The following PLK2 variants were observed in gnomAD, a reference collection of about 807,000 sequenced individuals.
The protein encoded by PLK2 is polo like kinase 2.
Under a neutral mutation model 78.1 loss-of-function variants are expected in PLK2, and 25 were observed. The observed-to-expected ratio is 0.32, with a 90% CI of 0.23 to 0.45. The LOEUF (loss-of-function observed/expected upper bound fraction) is 0.45, where lower values mean the gene tolerates loss of function less well. Among genes scored for constraint, PLK2 ranks in the 20% least tolerant of loss-of-function variants. The probability of loss-of-function intolerance (pLI) is 1.00; values close to 1 mark genes in which losing one functional copy is unlikely to be tolerated. For missense variants in PLK2, 566 were observed against 840.2 expected, an observed-to-expected ratio of 0.67 and a Z score of 4.04; for synonymous variants, 332 against 298.2, an observed-to-expected ratio of 1.11 and a Z score of -1.17.
chr5:58,456,393 G>C (rs1214017280), intron 9 of PLK2, 99 bp downstream of exon 9: 1 of 855,550 alleles, frequency 1.2e-6, no homozygotes, highest in Non-Finnish European at 1.9e-6. Context: ...AAGTAAATAT[G>C]ACATATTTGA....
rs1024685006 is a variant in PLK2 at position 58,454,078 on chromosome 5, T to A, written c.*505A>T. 1 of 152,698 alleles carries A rather than the reference T, an allele frequency of 6.5e-6. No individual in the cohort carries two copies. Among genetic ancestry groups the A allele is most frequent in the Admixed American group, 6.5e-5 (1 of 15,276 alleles). 9.5% of individuals were successfully genotyped at this position (152,698 alleles called of 1,614,324 possible). A position where few individuals can be genotyped will look rare whatever the true frequency, so the allele number is the denominator to read the frequency against. ...ATAAATACTGCTCTTTGGGCTGTAATAAATAAAAAGTTTATTAACAAGGAA... is the reference window on the plus strand; with the variant it reads ...ATAAATACTGCTCTTTGGGCTGTAAAAAATAAAAAGTTTATTAACAAGGAA... On this transcript the variant is annotated 3_prime_UTR_variant, in exon 14 of 14. Coordinates refer to ENST00000274289, the MANE Select transcript of PLK2 (RefSeq NM_006622.4).
At position 58,455,580 on chromosome 5, in the gene PLK2, A is replaced by C; in HGVS notation, c.1584T>G (p.Leu528=). 1 of 1,614,088 alleles carries C rather than the reference A, an allele frequency of 6.2e-7. No individual in the cohort carries two copies. Among genetic ancestry groups the C allele is most frequent in the Non-Finnish European group, 8.5e-7 (1 of 1,179,986 alleles). ...YQLSDHTVGV[L]FNNGAHMSLL... ...GGCTCATGTGAGCACCATTGTTGAA[A>C]AGGACACCGACGGTGTGGTCTGAGA... Residue 528 remains leucine, a synonymous_variant, in exon 11 of 14, where the codon CTT becomes CTG. Coordinates refer to ENST00000274289, the MANE Select transcript of PLK2 (RefSeq NM_006622.4).
chr5:58,459,508 C>A, intron 1 of PLK2, 182 bp downstream of exon 1: 2 of 598,922 alleles, frequency 3.3e-6, no homozygotes, highest in South Asian at 4.2e-5. Context: ...AATGCAAAGC[C>A]GATCCCCAGC....
At chr5:58,457,845 C>T (rs977476572) in intron 5 of PLK2, 3 of 589,962 alleles carry the variant, frequency 5.1e-6, no homozygotes, top group Non-Finnish European at 9.0e-6. Context: ...CCAGGGACGT[C>T]GTGGCATTTT....
Position 58,458,457 on chromosome 5 carries a change from A to C in PLK2, c.567T>G (p.Ile189Met), listed in dbSNP as rs1743667919. 2 of 1,613,042 alleles carry C rather than the reference A, an allele frequency of 1.2e-6. No individual in the cohort carries two copies. Among genetic ancestry groups the C allele is most frequent in the African/African-American group, 1.3e-5 (1 of 74,940 alleles). Residue 189 changes from isoleucine to methionine, a missense_variant, in exon 4 of 14, where the codon ATT (isoleucine) becomes ATG (methionine). By Grantham distance (10) the Ile-to-Met change is conservative. Transcript: ENST00000274289. ...CATGAAGGTATTTCAGTCCAGACAC[A>C]ATCTGCCTGAGGTAGTATCGAACTT... ...EPEVRYYLRQIVSGLKYLHEQ... is the reference protein window; with the variant it reads ...EPEVRYYLRQMVSGLKYLHEQ...
chr5:58,458,454 C>G lies in PLK2; in HGVS notation c.570G>C (p.Val190=), dbSNP rs1403549740. ...PEVRYYLRQI[V]SGLKYLHEQE... Reference sequence around the variant, plus strand: ...GTTCATGAAGGTATTTCAGTCCAGACACAATCTGCCTGAGGTAGTATCGAA... The same window carrying G: ...GTTCATGAAGGTATTTCAGTCCAGAGACAATCTGCCTGAGGTAGTATCGAA... The change falls in exon 4 of 14, where the codon GTG becomes GTC. Residue 190 remains valine (V), a synonymous_variant. Coordinates refer to ENST00000274289, the MANE Select transcript of PLK2 (RefSeq NM_006622.4). 1 of 1,613,114 alleles carries G rather than the reference C, an allele frequency of 6.2e-7. No individual in the cohort carries two copies. The highest frequency in any genetic ancestry group is 1.3e-5 in the African/African-American group (1 of 74,914).
At position 58,460,025 on chromosome 5, in the gene PLK2, C is replaced by T; in HGVS notation, c.-66G>A. The T allele has an allele frequency of 1.3e-6, 2 of 1,518,890 alleles. No homozygotes were observed. The highest frequency in any genetic ancestry group is 2.3e-5 in the East Asian group (1 of 43,910). The allele number at this position is 1,518,890 out of a possible 1,614,324, so 94.1% of individuals were successfully genotyped here. A position where few individuals can be genotyped will look rare whatever the true frequency, so the allele number is the denominator to read the frequency against. On this transcript the variant is annotated 5_prime_UTR_variant, in exon 1 of 14. Transcript: ENST00000274289. ...GGCGCGGTCACACGTCCGAGCCGGCCGTGGTCCTCGCACCCTTGCCTCTGG... is the reference window on the plus strand; with the variant it reads ...GGCGCGGTCACACGTCCGAGCCGGCTGTGGTCCTCGCACCCTTGCCTCTGG...
intron 5 of PLK2, among the ~76,000 whole-genome samples, 172 bp downstream of exon 5, chr5:58,457,912 C>T (rs762376550): frequency 5.9e-5 from 9 of 152,172 alleles, no homozygotes; most frequent in Admixed American, 3.9e-4. Context: ...AATTTAGAGG[C>T]ACAGGGTGCT....
In PLK2 at chr5:58,456,501, C is replaced by T. The variant is rs141029220; in HGVS notation, c.1245G>A (p.Arg415=). The change falls in exon 9 of 14, where the codon AGG becomes AGA. Residue 415 remains arginine (R), a synonymous_variant. Coordinates refer to ENST00000274289, the MANE Select transcript of PLK2 (RefSeq NM_006622.4). ...TSITQQPSKH[R]TDEELQPPTT... ...CTCTTTCCCAACACACCTCATCTGT[C>T]CTGTGTTTGCTGGGTTGCTGAGTTA... 2.2e-4 allele frequency: 351 copies of T among 1,602,062 alleles called. No individual in the cohort carries two copies. Among genetic ancestry groups the T allele is most frequent in the Middle Eastern group, 1.7e-3 (10 of 6,040 alleles).
At position 58,457,210 on chromosome 5, in the gene PLK2, C is replaced by T; in HGVS notation, c.979G>A (p.Asp327Asn). 6.2e-7 allele frequency: 1 copy of T among 1,614,108 alleles called. No individual in the cohort carries two copies. Among genetic ancestry groups the T allele is most frequent in the Non-Finnish European group, 8.5e-7 (1 of 1,180,020 alleles). ...KNPEDRPSLDDIIRHDFFLQG... is the reference protein window; with the variant it reads ...KNPEDRPSLDNIIRHDFFLQG... ...AAAAAAAAGTCATGTCGAATGATGT[C>T]ATCCAAACTGGGACGATCCTCTGGG... Residue 327 changes from aspartate to asparagine, a missense_variant, in exon 7 of 14, where the codon GAC becomes AAC. Around this residue, in one of 5 missense-constraint regions of PLK2, gnomAD observed 179 missense variants for 342.3 expected, o/e 0.52. Coordinates refer to ENST00000274289, the MANE Select transcript of PLK2 (RefSeq NM_006622.4).
rs1042982 is a variant in PLK2, at chr5:58,459,954, C to T, written c.6G>A (p.Glu2=). Residue 2 remains glutamate, a synonymous_variant, in exon 1 of 14, where the codon GAG becomes GAA. Coordinates refer to ENST00000274289, the MANE Select transcript of PLK2 (RefSeq NM_006622.4). M[E]LLRTITYQPA... is the part of the protein sequence containing the mutation. ...GCTGGTAGGTGATAGTCCGCAAAAG[C>T]TCCATGGTCGCCTTGCCGCCCCGCA... The T allele has an allele frequency of 2.5e-6, 4 of 1,599,320 alleles. No homozygotes were observed. Among genetic ancestry groups the T allele is most frequent in the Admixed American group, 3.4e-5 (2 of 59,504 alleles).
At chr5:58,455,972 T>C in intron 10 of PLK2, 54 bp downstream of exon 10, 1 of 1,575,848 alleles carries the variant, frequency 6.3e-7, no homozygotes, top group Non-Finnish European at 8.6e-7. Flanking sequence ...TATTATGTAT[T>C]TAGCACTGGC....
chr5:58,454,863 C>T, intron 13 of PLK2, 48 bp downstream of exon 13: 1 of 1,488,232 alleles, frequency 6.7e-7, no homozygotes. Flanking sequence ...AGGTACAAAT[C>T]TTTCTGTTTA....
At position 58,455,793 on chromosome 5, in the gene PLK2, C is replaced by A. The variant is rs971373976; in HGVS notation, c.1385-14G>T. ...TGTCTTCAAGGCCTGAAAAGTCAGA[C>A]AGAAATGTTTCAAGTTATACAATAT... is the stretch of plus-strand genomic sequence containing the variant. On this transcript the variant is annotated splice_polypyrimidine_tract_variant and intron_variant, in intron 10 of 13. Coordinates refer to ENST00000274289, the MANE Select transcript of PLK2 (RefSeq NM_006622.4). 2 of 1,611,256 alleles carry A rather than the reference C, an allele frequency of 1.2e-6. No individual in the cohort carries two copies. Among genetic ancestry groups the A allele is most frequent in the East Asian group, 4.5e-5 (2 of 44,880 alleles).
intron 12 of PLK2, 55 bp from the exon 13 acceptor site, chr5:58,455,076 T>G: frequency 8.5e-7 from 1 of 1,175,970 alleles, no homozygotes; most frequent in East Asian, 2.3e-5. Context: ...TAGCATGCAC[T>G]CTATTATTAT....
At chr5:58,459,452 G>A (rs1743696479) in intron 1 of PLK2, 1 of 567,426 alleles carries the variant, frequency 1.8e-6, no homozygotes, top group South Asian at 2.4e-5. Flanking sequence ...CCAGACTCAA[G>A]ATGCATTTCT....
Position 58,457,089 on chromosome 5 carries a change from A to G in PLK2, c.1012T>C (p.Phe338Leu), listed in dbSNP as rs1346200380. The G allele has an allele frequency of 6.2e-7, 1 of 1,612,662 alleles. No individual in the cohort carries two copies. The highest frequency in any genetic ancestry group is 8.5e-7 in the Non-Finnish European group (1 of 1,179,496). ...IIRHDFFLQG[F>L]TPDRLSSSCC... ...CTAGAAGACAGTCTGTCCGGAGTGA[A>G]GCCCTGTGGAATATTAGAAAAAGCC... The change falls in exon 8 of 14, where the codon TTC (phenylalanine) becomes CTC (leucine). Residue 338 changes from phenylalanine (F) to leucine (L), a missense_variant. This residue lies in a region of PLK2 where 179 missense variants were observed against 342.3 expected (regional missense o/e 0.52). Coordinates refer to ENST00000274289, the MANE Select transcript of PLK2 (RefSeq NM_006622.4).
chr5:58,458,678 G>T (rs1195729733), intron 3 of PLK2, 47 bp downstream of exon 3: 2 of 1,258,862 alleles, frequency 1.6e-6, no homozygotes, highest in East Asian at 2.3e-5. Context: ...TGAATACCAT[G>T]TTAATTCGGG....
intron 12 of PLK2, 58 bp from the exon 13 acceptor site, chr5:58,455,079 A>G: frequency 8.6e-7 from 1 of 1,165,736 alleles, no homozygotes; most frequent in Non-Finnish European, 1.3e-6. Flanking sequence ...CATGCACTCT[A>G]TTATTATTCT....
Sources: gnomAD v4.1 joint callset for allele counts (sites outside exome capture counted in the v4.1 genomes callset) on GRCh38, gnomAD v4.1.1 for gene constraint, gnomAD v4.1.1 regional missense constraint, MANE v1.5 for transcripts, NCBI Gene and HGNC (gene_info 2026-07-23, HGNC 2026-07-21) for gene names.